IL18: variants seen among roughly 807,000 people sequenced by gnomAD.
IL18 encodes interleukin 18.
A neutral mutation model predicts 14.2 loss-of-function variants in IL18; 8 were observed. The ratio of observed to expected loss-of-function variants is 0.56; its 90% CI spans 0.33 to 1.01. IL18 has a LOEUF of 1.01. IL18 is among the 50% of genes least tolerant of loss of function. The pLI, the probability that IL18 is intolerant of heterozygous loss-of-function variation, is 0.03. For synonymous variants in IL18, 67 were observed against 71.0 expected, an observed-to-expected ratio of 0.94 and a Z score of 0.28; for missense variants, 166 against 231.1, an observed-to-expected ratio of 0.72 and a Z score of 1.83.
At position 112,143,479 on chromosome 11, in the gene IL18, A is replaced by T; in HGVS notation, c.*117T>A. 1.6e-6 allele frequency: 1 copy of T among 628,022 alleles called. No homozygotes were observed. Among genetic ancestry groups the T allele is most frequent in the Non-Finnish European group, 2.8e-6 (1 of 361,496 alleles). The allele number at this position is 628,022 out of a possible 1,614,324, so 38.9% of individuals were successfully genotyped here. On this transcript the variant is annotated 3_prime_UTR_variant, in exon 6 of 6. Coordinates refer to ENST00000280357, the MANE Select transcript of IL18 (RefSeq NM_001562.4). ...GTATTTTTAGTAGAGATGAGGTTTC[A>T]CCATGTTGGTCAGGCTGGTCTTGAA...
intron 3 of IL18, chr11:112,150,829 A>G (rs1866425280): frequency 6.6e-6 from 1 of 152,208 alleles, no homozygotes; most frequent in Non-Finnish European, 1.5e-5. Flanking sequence ...CAGGACCTCT[A>G]CACCATCATC....
chr11:112,155,552 A>G (rs1866517818), intron 1 of IL18, among the ~76,000 whole-genome samples: 1 of 152,166 alleles, frequency 6.6e-6, no homozygotes, highest in Non-Finnish European at 1.5e-5. Context: ...ATCTGAGGGT[A>G]CAGGCAGGGT....
At chr11:112,158,197 C>T (rs1866567183) in intron 1 of IL18, among the ~76,000 whole-genome samples, 1 of 152,096 alleles carries the variant, frequency 6.6e-6, no homozygotes, top group South Asian at 2.1e-4. Flanking sequence ...CCATGTTGGT[C>T]AGGCTGGTCT....
chr11:112,145,139 G>A (rs1866313801), intron 5 of IL18, among the ~76,000 whole-genome samples: 1 of 152,078 alleles, frequency 6.6e-6, no homozygotes, highest in African/African-American at 2.4e-5. Flanking sequence ...GAGCCTGAAA[G>A]ACTCTGGATG....
Position 112,161,930 on chromosome 11 carries a change from G to A in IL18, c.-9+1976C>T, listed in dbSNP as rs138159505. The stretch of plus-strand genomic sequence containing the variant: ...CTGTTGAATAGGTATGGGATGAAAT[G>A]AGGGAGCATGCTACATAATTAATTA... On this transcript the variant is annotated intron_variant, in intron 1 of 5. Transcript: ENST00000280357. Among the ~76,000 whole-genome samples the A allele has an allele frequency of 2.0e-5, 3 of 152,262 alleles. No individual in the cohort carries two copies. In the South Asian group the frequency reaches 6.2e-4, roughly 32 times the overall value.
chr11:112,162,938 C>A (rs897429410), intron 1 of IL18, among the ~76,000 whole-genome samples: 6 of 152,140 alleles, frequency 3.9e-5, no homozygotes, highest in Admixed American at 1.3e-4. Flanking sequence ...TGCACCAACA[C>A]ACCCAGGTAA....
At chr11:112,144,346 C>T (rs1180575552) in intron 5 of IL18, among the ~76,000 whole-genome samples, 1 of 152,218 alleles carries the variant, frequency 6.6e-6, no homozygotes, top group Non-Finnish European at 1.5e-5. Context: ...AATCCCCCTG[C>T]CTCAGCCTCC....
chr11:112,163,201 T>G (rs184825692), intron 1 of IL18, among the ~76,000 whole-genome samples: 113 of 152,322 alleles, frequency 7.4e-4, no homozygotes, highest in Middle Eastern at 3.4e-3. Context: ...GAAAATTATC[T>G]CGGGGAATGC....
Position 112,145,969 on chromosome 11 carries a change from AC to A in IL18, c.361-2153del, listed in dbSNP as rs560979037. On this transcript the variant is annotated intron_variant, in intron 5 of 5. Coordinates refer to ENST00000280357, the MANE Select transcript of IL18 (RefSeq NM_001562.4). ...AAAGCAATCCCAATGACCTTGGAGA[AC>A]CCCCAACTTGGAAAGCCCTACCTGG... 4.0e-4 allele frequency among the ~76,000 whole-genome samples: 60 copies of A among 151,686 alleles called. No individual in the cohort carries two copies. In the South Asian group the frequency reaches 5.0e-3, roughly 13 times the overall value.
At chr11:112,149,258 C>T (rs1866394386) in intron 4 of IL18, among the ~76,000 whole-genome samples, 1 of 152,076 alleles carries the variant, frequency 6.6e-6, no homozygotes, top group African/African-American at 2.4e-5. Flanking sequence ...CACCACTGCA[C>T]TGCACTGCAC....
intron 4 of IL18, among the ~76,000 whole-genome samples, chr11:112,149,558 GTTTTTTTTTTTTT>G (rs561459069): frequency 1.0e-5 from 1 of 99,374 alleles, no homozygotes; most frequent in African/African-American, 3.9e-5. Flanking sequence ...CTTTTCTTAA[GTTTTTTTTTTTTT>G]TTTTTTTTTT....
intron 5 of IL18, among the ~76,000 whole-genome samples, chr11:112,145,326 C>T (rs1866317479): frequency 6.6e-6 from 1 of 152,102 alleles, no homozygotes; most frequent in Non-Finnish European, 1.5e-5. Context: ...AGGAAGAGAC[C>T]CTAAGCTGTG....
In IL18 at chr11:112,148,725, G is replaced by A. The variant is rs201058918; in HGVS notation, c.238C>T (p.Arg80Trp). The change falls in exon 5 of 6, where the codon CGG becomes TGG. Residue 80 changes from arginine to tryptophan, a missense_variant. Physicochemically the swap from Arg to Trp is moderately radical, Grantham distance 101. Coordinates refer to ENST00000280357, the MANE Select transcript of IL18 (RefSeq NM_001562.4). ...TDSDCRDNAP[R>W]TIFIISMYKD... ...TACATACTTATAATAAATATGGTCC[G>A]GGGTGCATTATCTGAAATAAATATA... 5.5e-6 allele frequency: 8 copies of A among 1,445,698 alleles called. No individual in the cohort carries two copies. The highest frequency in any genetic ancestry group is 2.7e-5 in the Admixed American group (1 of 36,636). 89.6% of individuals were successfully genotyped at this position (1,445,698 alleles called of 1,614,324 possible).
chr11:112,161,598 A>G (rs1230178305), intron 1 of IL18, among the ~76,000 whole-genome samples: 1 of 152,202 alleles, frequency 6.6e-6, no homozygotes, highest in African/African-American at 2.4e-5. Context: ...CAGGAGTTCG[A>G]GACCAGCCTG....
intron 3 of IL18, among the ~76,000 whole-genome samples, chr11:112,152,428 C>T (rs917339098): frequency 1.3e-5 from 2 of 152,118 alleles, no homozygotes; most frequent in African/African-American, 4.8e-5. Context: ...GTCCTCCTCA[C>T]CCCACACCAT....
chr11:112,154,909 A>C (rs1045741727), intron 2 of IL18, 66 bp downstream of exon 2: 2 of 1,020,260 alleles, frequency 2.0e-6, no homozygotes, highest in Admixed American at 4.1e-5. Flanking sequence ...AGTTCACCTC[A>C]CAACATCTTT....
chr11:112,150,331 A>G (rs534974635), intron 3 of IL18, 125 bp from the exon 4 acceptor site: 80 of 652,890 alleles, frequency 1.2e-4, no homozygotes, highest in Non-Finnish European at 1.7e-4. Flanking sequence ...AAGTAGCTAC[A>G]ATAAAGTTGC....
chr11:112,152,737 G>C (rs1482339483), intron 3 of IL18, among the ~76,000 whole-genome samples: 1 of 152,170 alleles, frequency 6.6e-6, no homozygotes, highest in Non-Finnish European at 1.5e-5. Context: ...ACTAGGGGAT[G>C]ATGGGTACAA....
Position 112,143,437 on chromosome 11 carries a change from C to G in IL18, c.*159G>C. 1 of 557,794 alleles carries G rather than the reference C, an allele frequency of 1.8e-6. No homozygotes were observed. The highest frequency in any genetic ancestry group is 2.1e-5 in the South Asian group (1 of 48,012). 34.6% of individuals were successfully genotyped at this position (557,794 alleles called of 1,614,324 possible). On this transcript the variant is annotated 3_prime_UTR_variant, in exon 6 of 6. Coordinates refer to ENST00000280357, the MANE Select transcript of IL18 (RefSeq NM_001562.4). ...CTGGGATTGAGGGCATGCGTCACTA[C>G]ACTCAGCTAATTTTTTGTATTTTTA...
Sources: allele counts gnomAD v4.1 joint callset (sites outside exome capture counted in the v4.1 genomes callset), GRCh38; gene constraint gnomAD v4.1.1; transcripts MANE v1.5; gene names NCBI Gene and HGNC (gene_info 2026-07-23, HGNC 2026-07-21).